Variants in ACER3 observed in about 807,000 individuals in gnomAD.
ACER3 encodes alkaline ceramidase 3, also known as alkCDase 3.
In ACER3, 16 loss-of-function variants were observed where a neutral mutation model predicts 48.9. The observed-to-expected ratio is 0.33, with a 90% CI of 0.22 to 0.50. The LOEUF is 0.50. Among genes scored for constraint, ACER3 ranks in the 20% least tolerant of loss-of-function variants. The pLI is 0.98. For missense variants in ACER3, 227 were observed against 326.0 expected (o/e 0.70, Z 2.34); for synonymous variants, 109 against 107.8 (o/e 1.01, Z -0.07).
chr11:76,953,694 G>A (rs1484204895), intron 2 of ACER3, among the ~76,000 whole-genome samples: 1 of 152,126 alleles, frequency 6.6e-6, no homozygotes, highest in Admixed American at 6.5e-5. Flanking sequence ...GTTTTAAAAT[G>A]TATAGTATCT....
At chr11:76,961,118 A>G (rs2135052935) in intron 3 of ACER3, among the ~76,000 whole-genome samples, 1 of 152,310 alleles carries the variant, frequency 6.6e-6, no homozygotes, top group South Asian at 2.1e-4. Context: ...AGAGGTAGCA[A>G]TGGAAGCCAT....
intron 7 of ACER3, among the ~76,000 whole-genome samples, chr11:77,000,180 C>T (rs1380312555): frequency 1.3e-5 from 2 of 152,146 alleles, no homozygotes; most frequent in Non-Finnish European, 2.9e-5. Flanking sequence ...TGGCTAATCA[C>T]GTTGAACATA....
chr11:77,002,895 A>G (rs1274542263), intron 7 of ACER3, among the ~76,000 whole-genome samples: 2 of 152,190 alleles, frequency 1.3e-5, no homozygotes, highest in Non-Finnish European at 2.9e-5. Context: ...AGAGTAGTCA[A>G]CTTCATAGAG....
chr11:76,999,971 GC>G (rs782441640), intron 7 of ACER3, among the ~76,000 whole-genome samples: 17 of 152,118 alleles, frequency 1.1e-4, no homozygotes, highest in Non-Finnish European at 1.9e-4. Flanking sequence ...CGGAATAAAT[GC>G]CCAGAGTGAA....
chr11:76,879,477 T>C (rs963021139), intron 1 of ACER3, among the ~76,000 whole-genome samples: 8 of 152,200 alleles, frequency 5.3e-5, no homozygotes, highest in African/African-American at 1.9e-4. Context: ...CAATGTTGAG[T>C]AGAAATGACA....
chr11:76,911,945 T>A (rs1486060148), intron 1 of ACER3, among the ~76,000 whole-genome samples: 1 of 152,180 alleles, frequency 6.6e-6, no homozygotes, highest in Admixed American at 6.6e-5. Flanking sequence ...CTGGGGAGTT[T>A]CTCCAAGAGG....
chr11:76,953,859 A>T (rs1047181724), intron 2 of ACER3, among the ~76,000 whole-genome samples: 1 of 151,882 alleles, frequency 6.6e-6, no homozygotes, highest in Non-Finnish European at 1.5e-5. Context: ...ATCAATTCCT[A>T]TGTGTATGTG....
chr11:76,990,360 G>A (rs763502874), intron 5 of ACER3, among the ~76,000 whole-genome samples, 179 bp from the exon 6 acceptor site: 7 of 152,210 alleles, frequency 4.6e-5, no homozygotes, highest in Non-Finnish European at 8.8e-5. Flanking sequence ...AAATCCTCCT[G>A]TAGATACTAG....
intron 1 of ACER3, among the ~76,000 whole-genome samples, chr11:76,867,852 T>C (rs1945135539): frequency 6.6e-6 from 1 of 152,206 alleles, no homozygotes; most frequent in Non-Finnish European, 1.5e-5. Context: ...TGGTTCAAGC[T>C]AGGTATTGTT....
intron 1 of ACER3, chr11:76,868,375 A>ATC (rs751868659): frequency 5.3e-4 from 254 of 475,398 alleles, no homozygotes; most frequent in Middle Eastern, 2.4e-3. Flanking sequence ...TAGTTTTAAT[A>ATC]TCTCTCTCTC....
At chr11:77,004,225 G>A (rs1250259875) in intron 7 of ACER3, among the ~76,000 whole-genome samples, 1 of 152,098 alleles carries the variant, frequency 6.6e-6, no homozygotes, top group Non-Finnish European at 1.5e-5. Context: ...CAAGACCCCA[G>A]GCAAATAAAA....
chr11:76,998,884 A>G (rs1301912819), intron 7 of ACER3, 63 bp downstream of exon 7: 2 of 1,303,422 alleles, frequency 1.5e-6, no homozygotes, highest in Middle Eastern at 2.4e-4. Context: ...CAGTAAATCT[A>G]TAGCCTAAAT....
intron 7 of ACER3, among the ~76,000 whole-genome samples, chr11:77,011,137 A>C (rs546043687): frequency 5.3e-5 from 8 of 152,332 alleles, no homozygotes; most frequent in African/African-American, 1.4e-4. Context: ...CAGGCAGTCC[A>C]GAATAAAGCA....
At chr11:77,009,662 TTAGG>T (rs1949221243) in intron 7 of ACER3, among the ~76,000 whole-genome samples, 1 of 152,072 alleles carries the variant, frequency 6.6e-6, no homozygotes, top group African/African-American at 2.4e-5. Flanking sequence ...AATTAATAAA[TTAGG>T]TAGGTGTGGT....
At chr11:76,902,067 G>A (rs964606767) in intron 1 of ACER3, among the ~76,000 whole-genome samples, 28 of 151,716 alleles carry the variant, frequency 1.8e-4, no homozygotes, top group African/African-American at 6.5e-4. Flanking sequence ...TTCCAGAATA[G>A]GGTACTTTTG....
intron 4 of ACER3, among the ~76,000 whole-genome samples, chr11:76,979,407 T>C (rs967418134): frequency 6.6e-6 from 1 of 152,164 alleles, no homozygotes; most frequent in Non-Finnish European, 1.5e-5. Context: ...CTATGACCCA[T>C]ATGGTGTCAA....
chr11:77,020,446 C>G lies in ACER3; in HGVS notation c.*119C>G. On this transcript the variant is annotated 3_prime_UTR_variant, in exon 11 of 11. Coordinates refer to ENST00000532485, the MANE Select transcript of ACER3 (RefSeq NM_018367.7). ...CATGACCATCACAGCAGAGGAGTGA[C>G]TTTCTGACTAATGCTGCCACCCACA... 1 of 1,155,540 alleles carries G rather than the reference C, an allele frequency of 8.7e-7. No individual in the cohort carries two copies. Among genetic ancestry groups the G allele is most frequent in the Non-Finnish European group, 1.2e-6 (1 of 813,216 alleles). 71.6% of individuals were successfully genotyped at this position (1,155,540 alleles called of 1,614,324 possible).
intron 2 of ACER3, among the ~76,000 whole-genome samples, chr11:76,945,748 T>TC (rs1450284049): frequency 1.3e-5 from 2 of 152,198 alleles, no homozygotes; most frequent in Non-Finnish European, 2.9e-5. Flanking sequence ...GGGCAGGTTC[T>TC]CAAACTCCTG....
chr11:76,876,530 A>T (rs2119456), intron 1 of ACER3, among the ~76,000 whole-genome samples: 87,407 of 152,056 alleles, frequency 0.57, 28,381 homozygotes, highest in Non-Finnish European at 0.74. Context: ...TGGGCAGATC[A>T]TTTTGTGGAT....
Sources: gnomAD v4.1 joint callset for allele counts (sites outside exome capture counted in the v4.1 genomes callset) on GRCh38, gnomAD v4.1.1 for gene constraint, MANE v1.5 for transcripts, NCBI Gene and HGNC (gene_info 2026-07-23, HGNC 2026-07-21) for gene names.